The following SPATA17 variants were observed in gnomAD, a reference collection of about 807,000 sequenced individuals.
SPATA17 encodes spermatogenesis associated 17.
SPATA17 carries 53 observed loss-of-function variants against 62.2 expected under a neutral mutation model. That is an observed-to-expected ratio of 0.85 (90% CI 0.68 to 1.07). The LOEUF is 1.07. Ranked by LOEUF, SPATA17 falls within the 50% of genes least tolerant of loss-of-function variation. The probability of loss-of-function intolerance (pLI) is 0.00; values close to 1 mark genes in which losing one functional copy is unlikely to be tolerated. For missense variants in SPATA17, 466 were observed against 425.5 expected (o/e 1.10, Z -0.84); for synonymous variants, 146 against 146.8 (o/e 0.99, Z 0.04).
chr1:217,782,589 A>C (rs191547654), intron 8 of SPATA17, among the ~76,000 whole-genome samples: 155 of 152,268 alleles, frequency 1.0e-3, no homozygotes, highest in African/African-American at 3.4e-3. Context: ...ATCTGTGAAG[A>C]TAATTTTCTT....
At chr1:217,763,788 G>A (rs1673231555) in intron 6 of SPATA17, among the ~76,000 whole-genome samples, 1 of 152,168 alleles carries the variant, frequency 6.6e-6, no homozygotes, top group African/African-American at 2.4e-5. Flanking sequence ...AGAATTAATA[G>A]AACTCGTTAG....
intron 9 of SPATA17, chr1:217,850,513 G>A: frequency 6.4e-7 from 1 of 1,556,530 alleles, no homozygotes; most frequent in Admixed American, 1.7e-5. Flanking sequence ...ATGAGCCTCT[G>A]CTGGTCGGGG....
intron 9 of SPATA17, among the ~76,000 whole-genome samples, chr1:217,832,101 T>C (rs1675156258): frequency 1.3e-5 from 2 of 152,136 alleles, no homozygotes; most frequent in Admixed American, 1.3e-4. Flanking sequence ...CATTTTAGTT[T>C]TGACATTTAA....
chr1:217,716,147 TA>T (rs899298805), intron 5 of SPATA17, among the ~76,000 whole-genome samples: 18 of 152,046 alleles, frequency 1.2e-4, no homozygotes, highest in Non-Finnish European at 2.2e-4. Context: ...ATGACAAACC[TA>T]AAAAAAATTG....
Position 217,714,411 on chromosome 1 carries a change from A to C in SPATA17, c.396-27564A>C, listed in dbSNP as rs151324619. ...TCTCAGAAAAACAAACAAGCAAAAT[A>C]TCATGCACTATATTTCTGAAAAGGA... On this transcript the variant is annotated intron_variant, in intron 5 of 10. Transcript: ENST00000366933. Among the ~76,000 whole-genome samples the C allele has an allele frequency of 6.3e-3, 954 of 151,916 alleles. 4 individuals carry two copies. The highest frequency in any genetic ancestry group is 0.017 in the Middle Eastern group (5 of 294).
At chr1:217,733,614 T>C (rs1318813190) in intron 5 of SPATA17, among the ~76,000 whole-genome samples, 1 of 152,232 alleles carries the variant, frequency 6.6e-6, no homozygotes, top group African/African-American at 2.4e-5. Flanking sequence ...ACGTCTTTAT[T>C]TCTCTAAATA....
chr1:217,752,197 T>G (rs1214121554), intron 6 of SPATA17, among the ~76,000 whole-genome samples: 1 of 152,036 alleles, frequency 6.6e-6, no homozygotes. Flanking sequence ...GCTAGGTTTG[T>G]TTACATTTTT....
chr1:217,743,794 A>T (rs1672680314), intron 6 of SPATA17, among the ~76,000 whole-genome samples: 1 of 152,044 alleles, frequency 6.6e-6, no homozygotes, highest in Non-Finnish European at 1.5e-5. Context: ...ATTTTAATAG[A>T]GATGAGGTTT....
At chr1:217,664,918 A>T (rs7520358) in intron 3 of SPATA17, among the ~76,000 whole-genome samples, 7,338 of 152,114 alleles carry the variant, frequency 0.048, 575 homozygotes, top group African/African-American at 0.17. Context: ...GGGAGATAGG[A>T]TTTGGACAGC....
chr1:217,820,543 G>T (rs1473018001), intron 9 of SPATA17, among the ~76,000 whole-genome samples: 1 of 151,510 alleles, frequency 6.6e-6, no homozygotes, highest in East Asian at 1.9e-4. Context: ...TAGATGAATG[G>T]TATTACTCAT....
chr1:217,826,071 A>G (rs901842609), intron 9 of SPATA17, among the ~76,000 whole-genome samples: 6 of 152,132 alleles, frequency 3.9e-5, no homozygotes, highest in Non-Finnish European at 7.4e-5. Flanking sequence ...ACAATATACT[A>G]CAGATGGGTG....
At chr1:217,666,122 C>T (rs1437651346) in intron 3 of SPATA17, among the ~76,000 whole-genome samples, 1 of 151,998 alleles carries the variant, frequency 6.6e-6, no homozygotes, top group Non-Finnish European at 1.5e-5. Context: ...TTAATTTTCG[C>T]CCGAGATCTT....
At position 217,774,368 on chromosome 1, in the gene SPATA17, A is replaced by C; in HGVS notation, c.554A>C (p.Glu185Ala). ...PGIYNSPFRKEPDPWELQLQK... is the reference protein window; with the variant it reads ...PGIYNSPFRKAPDPWELQLQK... ...ATATACAATTCACCCTTCAGAAAAG[A>C]GCCTGATCCATGGGAGCTGCAATTA... Residue 185 changes from glutamate (E) to alanine (A), a missense_variant, in exon 7 of 11, where the codon GAG becomes GCG. Glu to Ala is a moderately radical substitution (Grantham distance 107). Coordinates refer to ENST00000366933, the MANE Select transcript of SPATA17 (RefSeq NM_138796.4). 1 of 1,614,090 alleles carries C rather than the reference A, an allele frequency of 6.2e-7. No individual in the cohort carries two copies. The highest frequency in any genetic ancestry group is 1.1e-5 in the South Asian group (1 of 91,082).
chr1:217,726,002 C>T (rs1672250342), intron 5 of SPATA17, among the ~76,000 whole-genome samples: 1 of 151,688 alleles, frequency 6.6e-6, no homozygotes. Flanking sequence ...CTTTCATTGT[C>T]CAAGTGATTA....
intron 3 of SPATA17, among the ~76,000 whole-genome samples, chr1:217,653,249 T>C (rs1397699822): frequency 2.0e-5 from 3 of 152,252 alleles, no homozygotes; most frequent in African/African-American, 4.8e-5. Context: ...TTAGTGACAA[T>C]AGAAATTAGG....
chr1:217,835,234 G>A (rs1004461857), intron 9 of SPATA17, among the ~76,000 whole-genome samples: 16 of 152,002 alleles, frequency 1.1e-4, no homozygotes, highest in African/African-American at 3.9e-4. Context: ...CATTTCCTTT[G>A]TACTTAAGTC....
At chr1:217,707,926 G>T (rs529291485) in intron 5 of SPATA17, among the ~76,000 whole-genome samples, 44 of 152,206 alleles carry the variant, frequency 2.9e-4, no homozygotes, top group Non-Finnish European at 6.2e-4. Flanking sequence ...CAATTACATG[G>T]GAATTAAACA....
intron 6 of SPATA17, among the ~76,000 whole-genome samples, chr1:217,770,382 T>C (rs1407153270): frequency 6.6e-6 from 1 of 152,234 alleles, no homozygotes; most frequent in Non-Finnish European, 1.5e-5. Flanking sequence ...TTAATCATTC[T>C]TCATACCCGG....
At chr1:217,829,123 G>T (rs1675070245) in intron 9 of SPATA17, among the ~76,000 whole-genome samples, 1 of 152,046 alleles carries the variant, frequency 6.6e-6, no homozygotes, top group South Asian at 2.1e-4. Flanking sequence ...TTACCACATT[G>T]TAAAGGTATC....
Sources: allele counts gnomAD v4.1 joint callset (sites outside exome capture counted in the v4.1 genomes callset), GRCh38; gene constraint gnomAD v4.1.1; transcripts MANE v1.5; gene names NCBI Gene and HGNC (gene_info 2026-07-23, HGNC 2026-07-21).